The following DHRS4L2 variants were observed in gnomAD, a reference collection of about 807,000 sequenced individuals.
DHRS4L2 encodes dehydrogenase/reductase SDR family member 4-like 2.
DHRS4L2 carries 22 observed loss-of-function variants against 23.9 expected under a neutral mutation model. That is an observed-to-expected ratio of 0.92 (90% confidence interval 0.66 to 1.31). DHRS4L2 has a LOEUF of 1.31. Among genes scored for constraint, DHRS4L2 ranks in the 40% most tolerant of loss-of-function variants. DHRS4L2 has a pLI of 0.00. For synonymous variants in DHRS4L2, 141 were observed against 123.7 expected, an observed-to-expected ratio of 1.14 and a Z score of -0.93; for missense variants, 385 against 303.3, an observed-to-expected ratio of 1.27 and a Z score of -2.00.
intron 6 of DHRS4L2, among the ~76,000 whole-genome samples, chr14:24,001,855 A>G (rs925810102): frequency 9.6e-6 from 1 of 103,720 alleles, no homozygotes; most frequent in Non-Finnish European, 1.7e-5. Context: ...GGGAGCTAGA[A>G]AAAAATAGGA....
intron 2 of DHRS4L2, among the ~76,000 whole-genome samples, chr14:23,992,770 C>T (rs1315889854): frequency 2.0e-5 from 3 of 149,736 alleles, no homozygotes; most frequent in Non-Finnish European, 4.4e-5. Flanking sequence ...ACTGTAACCT[C>T]GAAGTCCTGA....
chr14:23,991,055 GA>G (rs1252817745), intron 2 of DHRS4L2: 1 of 240,348 alleles, frequency 4.2e-6, no homozygotes, highest in African/African-American at 2.3e-5. Flanking sequence ...ATTCACAAAG[GA>G]AGCTCCTCTT....
Position 24,001,079 on chromosome 14 carries a change from T to C in DHRS4L2, c.526T>C (p.Ser176Pro). The C allele has an allele frequency of 2.5e-6, 4 of 1,610,918 alleles. No homozygotes were observed. Among genetic ancestry groups the C allele is most frequent in the South Asian group, 1.1e-5 (1 of 90,940 alleles). ...GTCTTCCATAGCAGCCTTCAGTCCATCTCCTGTAAGAACCCTTTTGTCTAC... is the reference window on the plus strand; with the variant it reads ...GTCTTCCATAGCAGCCTTCAGTCCACCTCCTGTAAGAACCCTTTTGTCTAC... ...IVSSIAAFSP[S>P]PGFSPYNVSK... The change falls in exon 5 of 8, where the codon TCT (serine) becomes CCT (proline). Residue 176 changes from serine to proline, a missense_variant. Transcript: ENST00000335125.
intron 1 of DHRS4L2, among the ~76,000 whole-genome samples, chr14:23,970,722 C>A (rs139468999): frequency 6.6e-6 from 1 of 152,000 alleles, no homozygotes; most frequent in South Asian, 2.1e-4. Context: ...CCAGTAGGGG[C>A]GGAGAGACAC....
chr14:23,980,458 C>T (rs2034032276), intron 1 of DHRS4L2, among the ~76,000 whole-genome samples: 3 of 135,074 alleles, frequency 2.2e-5, no homozygotes, highest in South Asian at 2.8e-4. Context: ...TTTTATGAGG[C>T]CAGCATCATC....
upstream of DHRS4L2, among the ~76,000 whole-genome samples, chr14:23,986,902 C>T (rs775322830): frequency 2.0e-5 from 3 of 151,584 alleles, no homozygotes; most frequent in Non-Finnish European, 4.4e-5. Context: ...CGCTTCCAGC[C>T]TCTGTCAATA....
At chr14:23,999,338 A>C (rs2034440621) in intron 3 of DHRS4L2, among the ~76,000 whole-genome samples, 1 of 128,264 alleles carries the variant, frequency 7.8e-6, no homozygotes, top group Non-Finnish European at 1.7e-5. Context: ...ACGAAACTCC[A>C]ATTTGTAAAA....
chr14:23,996,238 TG>T (rs1487289479), intron 3 of DHRS4L2, among the ~76,000 whole-genome samples: 1 of 151,598 alleles, frequency 6.6e-6, no homozygotes, highest in Non-Finnish European at 1.5e-5. Context: ...GGAACACTGG[TG>T]ATCACATTTC....
intron 6 of DHRS4L2, 29 bp from the exon 7 acceptor site, chr14:24,004,308 A>T (rs1418019917): frequency 1.3e-6 from 2 of 1,564,404 alleles, no homozygotes; most frequent in Non-Finnish European, 1.7e-6. Context: ...AGAAAAAAAA[A>T]CATAAAGAGA....
At chr14:23,994,134 C>T (rs1171351853) in intron 2 of DHRS4L2, among the ~76,000 whole-genome samples, 8 of 151,884 alleles carry the variant, frequency 5.3e-5, no homozygotes, top group Non-Finnish European at 2.9e-5. Context: ...CTTTCTTCAG[C>T]TCTATTTAAG....
chr14:23,988,909 C>A (rs373922418), upstream of DHRS4L2: 2 of 1,606,834 alleles, frequency 1.2e-6, no homozygotes, highest in South Asian at 1.1e-5. Flanking sequence ...CTGTCACCTC[C>A]GCTGGAAGGA....
At chr14:23,998,010 C>T (rs1393896725) in intron 3 of DHRS4L2, among the ~76,000 whole-genome samples, 7 of 151,856 alleles carry the variant, frequency 4.6e-5, no homozygotes, top group Admixed American at 2.6e-4. Context: ...GAATTACCCC[C>T]GATCCATGGG....
At chr14:23,976,356 G>A (rs2033963891) in intron 1 of DHRS4L2, among the ~76,000 whole-genome samples, 1 of 151,904 alleles carries the variant, frequency 6.6e-6, no homozygotes, top group Admixed American at 6.6e-5. Flanking sequence ...ATGAATAAAT[G>A]CTCATCATCA....
chr14:23,985,715 C>T (rs2332152), upstream of DHRS4L2, among the ~76,000 whole-genome samples: 14,152 of 151,362 alleles, frequency 0.093, 944 homozygotes, highest in East Asian at 0.24. Flanking sequence ...TGTTCCTCTT[C>T]TTTTTTTATT....
chr14:23,995,622 A>G (rs2034365684), intron 3 of DHRS4L2, among the ~76,000 whole-genome samples: 2 of 151,986 alleles, frequency 1.3e-5, no homozygotes, highest in South Asian at 2.1e-4. Flanking sequence ...AAAATAAAAT[A>G]AAAACCTATG....
rs147830049 is a variant in DHRS4L2 at position 23,995,169 on chromosome 14, C to T, written c.408+36C>T. 11,245 of 1,585,016 alleles carry T rather than the reference C, an allele frequency of 7.1e-3. 112 individuals carry two copies. The highest frequency in any genetic ancestry group is 0.02 in the African/African-American group (1,521 of 74,406). On this transcript the variant is annotated intron_variant, in intron 3 of 7. Coordinates refer to ENST00000335125, the MANE Select transcript of DHRS4L2 (RefSeq NM_198083.4). ...ATTAAAGAAGCGCGGAAGGGGGCCTCGGGACACATTCAGCACAAACTCCAT... is the reference window on the plus strand; with the variant it reads ...ATTAAAGAAGCGCGGAAGGGGGCCTTGGGACACATTCAGCACAAACTCCAT...
intron 3 of DHRS4L2, 99 bp downstream of exon 3, chr14:23,995,232 G>A (rs1414428320): frequency 2.8e-6 from 4 of 1,411,112 alleles, no homozygotes; most frequent in Middle Eastern, 1.9e-4. Flanking sequence ...CAGTGTAAAT[G>A]TGAGGACTCT....
rs56024121 is a variant in DHRS4L2 at position 23,991,737 on chromosome 14, C to CTTTTTT, written c.306+1389_306+1394dup. Among the ~76,000 whole-genome samples the CTTTTTT allele has an allele frequency of 4.3e-4, 60 of 139,880 alleles. 1 individual carries two copies. The highest frequency in any genetic ancestry group is 1.5e-3 in the African/African-American group (59 of 38,098). 91.8% of individuals were successfully genotyped at this position (139,880 alleles called of 152,430 possible). A position where few individuals can be genotyped will look rare whatever the true frequency, so the allele number is the denominator to read the frequency against. ...AGATAGAGGCCATGGGCCTCCATAT[C>CTTTTTT]TTTTTTTTTTTTTTTTGAGACAGAG... is the stretch of plus-strand genomic sequence containing the variant. On this transcript the variant is annotated intron_variant, in intron 2 of 7. Transcript: ENST00000335125.
rs1213584480 is a variant in DHRS4L2 at position 24,006,087 on chromosome 14, C to T, written c.*224C>T. 3.3e-6 allele frequency: 5 copies of T among 1,515,138 alleles called. No individual in the cohort carries two copies. The highest frequency in any genetic ancestry group is 4.4e-6 in the Non-Finnish European group (5 of 1,128,022). 93.9% of individuals were successfully genotyped at this position (1,515,138 alleles called of 1,614,324 possible). On this transcript the variant is annotated 3_prime_UTR_variant, in exon 8 of 8. Transcript: ENST00000335125. ...CACCCACTGGCCTTTCCCACCTCTG[C>T]TCACCTTACTGTTCACCTCATCAAA... is the stretch of plus-strand genomic sequence containing the variant.
Sources: allele counts gnomAD v4.1 joint callset (sites outside exome capture counted in the v4.1 genomes callset), GRCh38; gene constraint gnomAD v4.1.1; transcripts MANE v1.5; gene names NCBI Gene and HGNC (gene_info 2026-07-23, HGNC 2026-07-21).